Variants in FBXO31 observed in about 807,000 individuals in gnomAD.
FBXO31 encodes the protein F-box protein 31.
A neutral mutation model predicts 54.4 loss-of-function variants in FBXO31; 24 were observed. The observed-to-expected ratio is 0.44, with a 90% CI of 0.32 to 0.62. The LOEUF (loss-of-function observed/expected upper bound fraction) is 0.62, where lower values mean the gene tolerates loss of function less well. Among genes scored for constraint, FBXO31 ranks in the 20% least tolerant of loss-of-function variants. FBXO31 has a pLI of 0.05. For synonymous variants in FBXO31, 388 were observed against 335.6 expected (o/e 1.16, Z -1.71); for missense variants, 665 against 787.1 (o/e 0.84, Z 1.86).
chr16:87,370,208 C>G (rs1397320666), intron 1 of FBXO31, among the ~76,000 whole-genome samples: 2 of 152,210 alleles, frequency 1.3e-5, no homozygotes, highest in East Asian at 3.8e-4. Context: ...TCGTGAGCAC[C>G]CCCTACCCCT....
In FBXO31 at chr16:87,338,454, T is replaced by A. The variant is rs545035429; in HGVS notation, c.733-2190A>T. On this transcript the variant is annotated intron_variant, in intron 5 of 8. Transcript: ENST00000311635. The surrounding 1 kb of genome is among the most constrained non-coding windows in gnomAD (Gnocchi z 4.3). Reference sequence around the variant, plus strand: ...CACAGGTCTGAGATTTCCAAAAGCCTCAGTCTTGGGGCGGGGGAGGCGGGC... The same window carrying A: ...CACAGGTCTGAGATTTCCAAAAGCCACAGTCTTGGGGCGGGGGAGGCGGGC... Among the ~76,000 whole-genome samples, 1 of 130,378 alleles carries A rather than the reference T, an allele frequency of 7.7e-6. No homozygotes were observed. The highest frequency in any genetic ancestry group is 3.0e-5 in the African/African-American group (1 of 33,210). 85.5% of individuals were successfully genotyped at this position (130,378 alleles called of 152,430 possible).
At position 87,347,257 on chromosome 16, in the gene FBXO31, G is replaced by A. The variant is rs1333709071; in HGVS notation, c.413-7C>T. 3.7e-6 allele frequency: 6 copies of A among 1,613,818 alleles called. No homozygotes were observed. The highest frequency in any genetic ancestry group is 1.1e-5 in the South Asian group (1 of 91,064). On this transcript the variant is annotated splice_region_variant and splice_polypyrimidine_tract_variant and intron_variant, in intron 2 of 8. Transcript: ENST00000311635. ...TGTCTATATCGGTGAAGCACTACAGGAGGAGAGAAAGAGCAAGTCTCTGTG... is the reference window on the plus strand; with the variant it reads ...TGTCTATATCGGTGAAGCACTACAGAAGGAGAGAAAGAGCAAGTCTCTGTG...
rs1306986868 is a variant in FBXO31 at position 87,330,598 on chromosome 16, G to A, written c.*690C>T. 1 of 152,526 alleles carries A rather than the reference G, an allele frequency of 6.6e-6. No homozygotes were observed. The highest frequency in any genetic ancestry group is 1.9e-4 in the East Asian group (1 of 5,194). 9.4% of individuals were successfully genotyped at this position (152,526 alleles called of 1,614,324 possible). A position where few individuals can be genotyped will look rare whatever the true frequency, so the allele number is the denominator to read the frequency against. ...GTGCATGGGCTGGGCTGTGCATTCA[G>A]GTGACATTCCCTAGTGACTCAGGTC... On this transcript the variant is annotated 3_prime_UTR_variant, in exon 9 of 9. Coordinates refer to ENST00000311635, the MANE Select transcript of FBXO31 (RefSeq NM_024735.5).
At chr16:87,377,201 T>A (rs889604) in intron 1 of FBXO31, among the ~76,000 whole-genome samples, 67,606 of 152,208 alleles carry the variant, frequency 0.44, 17,538 homozygotes, top group East Asian at 1. Flanking sequence ...TCCTAGCACT[T>A]TGGGAGGCCG....
chr16:87,377,145 T>C (rs1597379104), intron 1 of FBXO31, among the ~76,000 whole-genome samples: 1 of 152,244 alleles, frequency 6.6e-6, no homozygotes, highest in Admixed American at 6.5e-5. Context: ...ATAATTTTGA[T>C]TAAAGTTGGA....
At chr16:87,332,530 G>A (rs940213672) in intron 8 of FBXO31, among the ~76,000 whole-genome samples, 5 of 152,162 alleles carry the variant, frequency 3.3e-5, no homozygotes, top group Non-Finnish European at 5.9e-5. Context: ...TTATATTAGC[G>A]AAAACAACAC....
intron 2 of FBXO31, among the ~76,000 whole-genome samples, chr16:87,359,613 A>G (rs555327353): frequency 6.6e-6 from 1 of 152,228 alleles, no homozygotes; most frequent in African/African-American, 2.4e-5. Flanking sequence ...AAGCTCAAAG[A>G]ATGGTCAGAA....
In FBXO31 at chr16:87,331,522, CAA is replaced by C. The variant is rs752708305; in HGVS notation, c.1398-14_1398-13del. On this transcript the variant is annotated splice_polypyrimidine_tract_variant and intron_variant, in intron 8 of 8. Transcript: ENST00000311635. ...CTGTGCCATAAAAACTGAGCAGAAA[CAA>C]GAGGGAAACTGTGAGCTGGGGGAGG... 9 of 1,587,330 alleles carry C rather than the reference CAA, an allele frequency of 5.7e-6. No homozygotes were observed. The highest frequency in any genetic ancestry group is 4.0e-5 in the African/African-American group (3 of 74,544).
In FBXO31 at chr16:87,343,616, G is replaced by T. The variant is rs370823232; in HGVS notation, c.639C>A (p.Pro213=). 40 of 1,610,804 alleles carry T rather than the reference G, an allele frequency of 2.5e-5. No homozygotes were observed. In the African/African-American group the frequency reaches 4.8e-4, roughly 19 times the overall value. ...TVECMYGHKG[P]HHGHIQIVKK... Reference sequence around the variant, plus strand: ...CACACACCTGGATGTGGCCGTGGTGGGGCCCTTTGTGGCCGTACATGCACT... The same window carrying T: ...CACACACCTGGATGTGGCCGTGGTGTGGCCCTTTGTGGCCGTACATGCACT... The change falls in exon 4 of 9, where the codon CCC becomes CCA. Residue 213 remains proline (P), a synonymous_variant. Transcript: ENST00000311635.
chr16:87,343,318 T>C (rs997716835), intron 4 of FBXO31, among the ~76,000 whole-genome samples: 4 of 152,226 alleles, frequency 2.6e-5, no homozygotes, highest in Admixed American at 1.3e-4. Flanking sequence ...CACACTGATA[T>C]TCTTGCAAAC....
At chr16:87,353,414 C>A (rs965731681) in intron 2 of FBXO31, among the ~76,000 whole-genome samples, 1 of 152,218 alleles carries the variant, frequency 6.6e-6, no homozygotes, top group Non-Finnish European at 1.5e-5. Context: ...CAGAATGTGG[C>A]CCTCTGTGGA....
At chr16:87,352,804 G>C (rs1905721509) in intron 2 of FBXO31, among the ~76,000 whole-genome samples, 1 of 152,206 alleles carries the variant, frequency 6.6e-6, no homozygotes, top group East Asian at 1.9e-4. Context: ...CTCCCGAAAT[G>C]AATTCAAAAT....
At chr16:87,340,749 G>A (rs1402696747) in intron 5 of FBXO31, among the ~76,000 whole-genome samples, 2 of 152,098 alleles carry the variant, frequency 1.3e-5, no homozygotes. Context: ...CTCGAGCCAG[G>A]AGTTTGAGAC....
chr16:87,363,492 G>A (rs144983586), intron 1 of FBXO31, among the ~76,000 whole-genome samples: 1 of 152,246 alleles, frequency 6.6e-6, no homozygotes, highest in African/African-American at 2.4e-5. Flanking sequence ...TGCCAAGGAG[G>A]ACCAAGGACT....
At chr16:87,356,262 GA>G (rs199627352) in intron 2 of FBXO31, among the ~76,000 whole-genome samples, 3,781 of 151,302 alleles carry the variant, frequency 0.025, 65 homozygotes, top group Non-Finnish European at 0.036. Context: ...AGAAAGAAAA[GA>G]AAAGCCAGCA....
chr16:87,381,750 C>G (rs981729614), intron 1 of FBXO31, among the ~76,000 whole-genome samples: 1 of 152,144 alleles, frequency 6.6e-6, no homozygotes, highest in Non-Finnish European at 1.5e-5. Flanking sequence ...TACCAGCCAG[C>G]GTGGGGGCTC....
At chr16:87,360,469 C>G in intron 1 of FBXO31, 103 bp from the exon 2 acceptor site, 2 of 892,734 alleles carry the variant, frequency 2.2e-6, no homozygotes, top group Non-Finnish European at 3.6e-6. Context: ...CACCTAGCCT[C>G]AGCCCCATCT....
intron 1 of FBXO31, among the ~76,000 whole-genome samples, chr16:87,381,723 C>G (rs903595070): frequency 6.6e-6 from 1 of 152,190 alleles, no homozygotes; most frequent in African/African-American, 2.4e-5. Context: ...CACAATCCCA[C>G]TTGAGGAACT....
At chr16:87,359,373 G>A (rs1389699615) in intron 2 of FBXO31, among the ~76,000 whole-genome samples, 1 of 152,078 alleles carries the variant, frequency 6.6e-6, no homozygotes, top group Non-Finnish European at 1.5e-5. Flanking sequence ...CAACACCTCC[G>A]ACCCCCACAG....
Sources: allele counts gnomAD v4.1 joint callset (sites outside exome capture counted in the v4.1 genomes callset), GRCh38; gene constraint gnomAD v4.1.1; non-coding constraint Gnocchi (gnomAD v3.1); transcripts MANE v1.5; gene names NCBI Gene and HGNC (gene_info 2026-07-23, HGNC 2026-07-21).